The following FRY variants were observed in gnomAD, a reference collection of about 807,000 sequenced individuals.
FRY encodes FRY microtubule binding protein.
FRY carries 128 observed loss-of-function variants against 348.4 expected under a neutral mutation model. The ratio of observed to expected loss-of-function variants is 0.37; its 90% CI spans 0.32 to 0.43. The LOEUF (loss-of-function observed/expected upper bound fraction) is 0.43, where lower values mean the gene tolerates loss of function less well. Ranked by LOEUF, FRY falls within the 20% of genes least tolerant of loss-of-function variation. The pLI is 1.00. For missense variants in FRY, 2,736 were observed against 3,695.2 expected, an observed-to-expected ratio of 0.74 and a Z score of 6.73; for synonymous variants, 1,370 against 1,374.7, an observed-to-expected ratio of 1.00 and a Z score of 0.08.
intron 1 of FRY, among the ~76,000 whole-genome samples, chr13:32,074,170 G>A (rs1330179085): frequency 1.3e-5 from 2 of 152,144 alleles, no homozygotes; most frequent in African/African-American, 4.8e-5. Flanking sequence ...TTTAAGGAAT[G>A]GGCCCTGCTT....
intron 55 of FRY, among the ~76,000 whole-genome samples, chr13:32,267,684 C>T (rs1343449544): frequency 6.6e-6 from 1 of 152,128 alleles, no homozygotes; most frequent in Non-Finnish European, 1.5e-5. Context: ...CTCCATCCCA[C>T]CCCCCTTTAC....
intron 1 of FRY, among the ~76,000 whole-genome samples, chr13:32,044,582 C>T (rs530488979): frequency 1.3e-5 from 2 of 152,184 alleles, no homozygotes; most frequent in East Asian, 3.9e-4. Flanking sequence ...GTCTCTAGAG[C>T]CTCTCTTCTT....
intron 1 of FRY, among the ~76,000 whole-genome samples, chr13:32,033,439 A>G (rs1194923234): frequency 6.6e-6 from 1 of 152,228 alleles, no homozygotes; most frequent in Non-Finnish European, 1.5e-5. Context: ...ATAGAAAATT[A>G]TGTTGTGACA....
At chr13:32,044,206 G>T (rs1329276570) in intron 1 of FRY, among the ~76,000 whole-genome samples, 1 of 151,906 alleles carries the variant, frequency 6.6e-6, no homozygotes, top group East Asian at 1.9e-4. Context: ...GATACCAAAA[G>T]AAAAAAATGT....
At chr13:32,042,568 C>T (rs1017252787) in intron 1 of FRY, among the ~76,000 whole-genome samples, 1 of 147,174 alleles carries the variant, frequency 6.8e-6, no homozygotes, top group East Asian at 1.9e-4. Flanking sequence ...CTTAGAAGCT[C>T]AAAGACCTAG....
chr13:32,097,935 A>C (rs1876858504), intron 2 of FRY, among the ~76,000 whole-genome samples: 1 of 151,658 alleles, frequency 6.6e-6, no homozygotes, highest in Non-Finnish European at 1.5e-5. Flanking sequence ...TACCACAATA[A>C]AGAGTATTTT....
intron 4 of FRY, among the ~76,000 whole-genome samples, chr13:32,122,462 A>G (rs1350002360): frequency 1.3e-5 from 2 of 152,078 alleles, no homozygotes; most frequent in Non-Finnish European, 2.9e-5. Context: ...AAAGAAAAAA[A>G]AAAGCATTAG....
intron 35 of FRY, among the ~76,000 whole-genome samples, chr13:32,216,627 G>C (rs1366890151): frequency 2.0e-5 from 3 of 152,200 alleles, no homozygotes; most frequent in Admixed American, 1.3e-4. Context: ...CCCTGCTTTT[G>C]TTCCTTTCTG....
At chr13:32,179,204 C>G (rs1338984834) in intron 22 of FRY, among the ~76,000 whole-genome samples, 171 bp downstream of exon 22, 4 of 151,986 alleles carry the variant, frequency 2.6e-5, no homozygotes, top group Non-Finnish European at 4.4e-5. Context: ...TAATTTATTA[C>G]TCCTCCCTGA....
At chr13:32,184,037 G>C (rs1348512354) in intron 24 of FRY, among the ~76,000 whole-genome samples, 2 of 151,780 alleles carry the variant, frequency 1.3e-5, no homozygotes, top group Non-Finnish European at 2.9e-5. Context: ...AGAGTAGCCA[G>C]GTGTGGTGGT....
intron 59 of FRY, chr13:32,292,087 A>G (rs1404816112): frequency 2.3e-6 from 1 of 428,448 alleles, no homozygotes; most frequent in Non-Finnish European, 4.7e-6. Flanking sequence ...GGTTCAAACG[A>G]TTCTCCTGCC....
chr13:32,052,231 A>T (rs1873369797), intron 1 of FRY, among the ~76,000 whole-genome samples: 1 of 152,262 alleles, frequency 6.6e-6, no homozygotes, highest in African/African-American at 2.4e-5. Context: ...TGAAGTGATC[A>T]ATAAATGTTA....
intron 7 of FRY, among the ~76,000 whole-genome samples, chr13:32,125,309 A>G (rs2138728234): frequency 6.6e-6 from 1 of 152,218 alleles, no homozygotes; most frequent in South Asian, 2.1e-4. Flanking sequence ...AATGTCCCAG[A>G]CTCTGTCATG....
At chr13:32,243,698 G>T (rs1028868341) in intron 46 of FRY, among the ~76,000 whole-genome samples, 4 of 152,126 alleles carry the variant, frequency 2.6e-5, no homozygotes, top group Non-Finnish European at 5.9e-5. Flanking sequence ...TTCCTCATGT[G>T]AATTTTATAC....
At chr13:32,228,229 C>T (rs149161876) in intron 39 of FRY, among the ~76,000 whole-genome samples, 255 of 152,294 alleles carry the variant, frequency 1.7e-3, no homozygotes, top group Middle Eastern at 0.014. Context: ...AGCAGCAGAT[C>T]ACCTCCTATT....
At chr13:32,131,541 T>G (rs1368397589) in intron 7 of FRY, 131 bp from the exon 8 acceptor site, 1 of 686,826 alleles carries the variant, frequency 1.5e-6, no homozygotes. Flanking sequence ...CCTTACAAAA[T>G]CATGGCTGTT....
In FRY at chr13:32,202,511, A is replaced by T. The variant is rs751571740; in HGVS notation, c.4002A>T (p.Thr1334=). The T allele has an allele frequency of 1.6e-5, 25 of 1,611,810 alleles. No individual in the cohort carries two copies. The East Asian group carries it at 4.0e-4, about 26-fold the overall frequency. Residue 1334 remains threonine (T), a synonymous_variant, in exon 31 of 61, where the codon ACA becomes ACT. Transcript: ENST00000542859. ...TGGCCAGGATGTACCCTGAGCTCAC[A>T]CTCCCCCTCTTCTCAGGTACCAGGC... ...CELARMYPEL[T]LPLFSEVSQR...
chr13:32,172,481 C>A lies in FRY; in HGVS notation c.2152-886C>A, dbSNP rs140764443. ...AGAGGACAGTGCAGTCTTGTGGTTTCTTTATCCTTTCATGTCTCAGTCCTA... is the reference window on the plus strand; with the variant it reads ...AGAGGACAGTGCAGTCTTGTGGTTTATTTATCCTTTCATGTCTCAGTCCTA... On this transcript the variant is annotated intron_variant, in intron 18 of 60. Coordinates refer to ENST00000542859, the MANE Select transcript of FRY (RefSeq NM_023037.3). Among the ~76,000 whole-genome samples the A allele has an allele frequency of 3.8e-3, 578 of 152,268 alleles. 3 individuals carry two copies. The highest frequency in any genetic ancestry group is 0.013 in the African/African-American group (556 of 41,548).
Position 32,298,354 on chromosome 13 carries a change from T to C in FRY, c.*2894T>C, listed in dbSNP as rs375150942. 1.6e-4 allele frequency: 25 copies of C among 152,380 alleles called. No individual in the cohort carries two copies. Among genetic ancestry groups the C allele is most frequent in the East Asian group, 1.5e-3 (8 of 5,190 alleles). The allele number at this position is 152,380 out of a possible 1,614,324, so 9.4% of individuals were successfully genotyped here. A position where few individuals can be genotyped will look rare whatever the true frequency, so the allele number is the denominator to read the frequency against. On this transcript the variant is annotated 3_prime_UTR_variant, in exon 61 of 61. Transcript: ENST00000542859. ...ATAGGTGAGTATTAGGGTATGTTCA[T>C]TGTATCTCAATGAAACTAGTTTTTA...
Sources: gnomAD v4.1 joint callset for allele counts (sites outside exome capture counted in the v4.1 genomes callset) on GRCh38, gnomAD v4.1.1 for gene constraint, MANE v1.5 for transcripts, NCBI Gene and HGNC (gene_info 2026-07-23, HGNC 2026-07-21) for gene names.